The following OCEL1 variants were observed in gnomAD, a reference collection of about 807,000 sequenced individuals.
OCEL1 encodes occludin/ELL domain-containing protein 1.
In OCEL1, 24 loss-of-function variants were observed where a neutral mutation model predicts 29.4. The observed-to-expected ratio is 0.82, with a 90% CI of 0.59 to 1.15. OCEL1 has a LOEUF of 1.15. OCEL1 is among the 50% of genes most tolerant of loss of function. The pLI is 0.00. For missense variants in OCEL1, 402 were observed against 352.5 expected (o/e 1.14, Z -1.13); for synonymous variants, 172 against 145.3 (o/e 1.18, Z -1.32).
At chr19:17,226,628 G>A (rs2073362340) in intron 1 of OCEL1, 65 bp from the exon 2 acceptor site, 31 of 1,403,832 alleles carry the variant, frequency 2.2e-5, no homozygotes, top group Non-Finnish European at 2.9e-5. Flanking sequence ...CTTCGGCCGA[G>A]CTGCCCGCGC....
Position 17,226,721 on chromosome 19 carries a change from C to G in OCEL1, c.98C>G (p.Ala33Gly). The change falls in exon 2 of 6, where the codon GCG becomes GGG. Residue 33 changes from alanine to glycine, a missense_variant. Transcript: ENST00000215061. Reference sequence around the variant, plus strand: ...GCCCGCAGACCACCCCCGCCGCGCGCGGGACACGACGCCCCCCGCAGGACC... The same window carrying G: ...GCCCGCAGACCACCCCCGCCGCGCGGGGGACACGACGCCCCCCGCAGGACC... Reference protein sequence around the residue: ...QAARRPPPPRAGHDAPRRTRP... With the variant: ...QAARRPPPPRGGHDAPRRTRP... The G allele has an allele frequency of 6.6e-7, 1 of 1,521,472 alleles. No individual in the cohort carries two copies. Among genetic ancestry groups the G allele is most frequent in the Admixed American group, 2.2e-5 (1 of 46,282 alleles). The allele number at this position is 1,521,472 out of a possible 1,614,324, so 94.2% of individuals were successfully genotyped here. A position where few individuals can be genotyped will look rare whatever the true frequency, so the allele number is the denominator to read the frequency against.
rs1040466830 is a variant in OCEL1 at position 17,228,244 on chromosome 19, C to G, written c.619-12C>G. 1.1e-5 allele frequency: 18 copies of G among 1,614,012 alleles called. No individual in the cohort carries two copies. The highest frequency in any genetic ancestry group is 1.5e-5 in the Non-Finnish European group (18 of 1,179,966). On this transcript the variant is annotated splice_polypyrimidine_tract_variant and intron_variant, in intron 4 of 5. Transcript: ENST00000215061. ...CTCTCCCTAAACCCCCTTTCTACTC[C>G]TCCCCTTGCAGAAGGAGGCCCAAGT...
intron 5 of OCEL1, 84 bp downstream of exon 5, chr19:17,228,393 T>A: frequency 7.2e-7 from 1 of 1,397,518 alleles, no homozygotes; most frequent in Non-Finnish European, 9.9e-7. Flanking sequence ...TCTTTTTTTT[T>A]TCTTTCTTTT....
At chr19:17,226,522 C>CG in intron 1 of OCEL1, 171 bp from the exon 2 acceptor site, 1 of 901,336 alleles carries the variant, frequency 1.1e-6, no homozygotes, top group Non-Finnish European at 1.6e-6. Flanking sequence ...CAGTCGTGGG[C>CG]GGGGTCTGGA....
chr19:17,228,366 G>A, intron 5 of OCEL1, 57 bp downstream of exon 5: 1 of 1,545,004 alleles, frequency 6.5e-7, no homozygotes. Context: ...GTGAGGCTGG[G>A]GTGCCTGTGC....
chr19:17,228,110 C>G, intron 4 of OCEL1, 105 bp downstream of exon 4: 3 of 1,544,132 alleles, frequency 1.9e-6, no homozygotes, highest in Non-Finnish European at 2.6e-6. Flanking sequence ...TTTCTCCTCT[C>G]GGTTGGCTGG....
chr19:17,226,469 G>A (rs1262448579), intron 1 of OCEL1, 153 bp downstream of exon 1: 5 of 998,796 alleles, frequency 5.0e-6, no homozygotes, highest in Non-Finnish European at 4.3e-6. Flanking sequence ...CAGGCTGCGC[G>A]GCGACGTCAG....
chr19:17,228,123 G>A lies in OCEL1; in HGVS notation c.618+118G>A, dbSNP rs879063681. ...TCTTTCTCCTCTCGGTTGGCTGGGC[G>A]CCGTGACACATGGCTAAGGTCAGCC... is the stretch of plus-strand genomic sequence containing the variant. On this transcript the variant is annotated intron_variant, in intron 4 of 5. Coordinates refer to ENST00000215061, the MANE Select transcript of OCEL1 (RefSeq NM_024578.3). 16 of 1,522,758 alleles carry A rather than the reference G, an allele frequency of 1.1e-5. 1 individual carries two copies. Among genetic ancestry groups the A allele is most frequent in the Middle Eastern group, 2.0e-4 (1 of 4,898 alleles). 94.3% of individuals were successfully genotyped at this position (1,522,758 alleles called of 1,614,324 possible). A position where few individuals can be genotyped will look rare whatever the true frequency, so the allele number is the denominator to read the frequency against.
chr19:17,226,933 T>C, intron 2 of OCEL1, 61 bp from the exon 3 acceptor site: 1 of 1,526,258 alleles, frequency 6.6e-7, no homozygotes, highest in African/African-American at 1.4e-5. Context: ...GCCCCTCCAG[T>C]TTGAGGGACT....
At chr19:17,227,417 G>T (rs1286632733) in intron 3 of OCEL1, among the ~76,000 whole-genome samples, 1 of 152,080 alleles carries the variant, frequency 6.6e-6, no homozygotes, top group Non-Finnish European at 1.5e-5. Flanking sequence ...TAGGCGAGGC[G>T]CGGTGGCTCA....
chr19:17,227,167 G>A lies in OCEL1; in HGVS notation c.420G>A (p.Lys140=). The A allele has an allele frequency of 2.6e-6, 4 of 1,543,116 alleles. No individual in the cohort carries two copies. The highest frequency in any genetic ancestry group is 3.5e-6 in the Non-Finnish European group (4 of 1,150,428). ...KPIGAIPKGH[K]PRPHPVPDYE... is the part of the protein sequence containing the mutation. ...TTGGAGCCATCCCTAAGGGGCATAA[G>A]CCTAGGCCCCACCCAGTGCCCGACT... The change falls in exon 3 of 6, where the codon AAG becomes AAA. Residue 140 remains lysine (K), a synonymous_variant. Transcript: ENST00000215061.
chr19:17,226,902 G>T, intron 2 of OCEL1, 33 bp downstream of exon 2: 1 of 1,511,704 alleles, frequency 6.6e-7, no homozygotes, highest in Non-Finnish European at 8.8e-7. Flanking sequence ...CCCCAGGCCG[G>T]GCCTCTAGGC....
intron 1 of OCEL1, 137 bp downstream of exon 1, chr19:17,226,453 C>G (rs905834784): frequency 2.8e-6 from 3 of 1,083,288 alleles, no homozygotes; most frequent in African/African-American, 3.2e-5. Context: ...TAACTCGAGC[C>G]GGTCCCAGGC....
chr19:17,228,973 G>T lies in OCEL1; in HGVS notation c.*48G>T. The T allele has an allele frequency of 6.3e-7, 1 of 1,585,164 alleles. No homozygotes were observed. Among genetic ancestry groups the T allele is most frequent in the Non-Finnish European group, 8.6e-7 (1 of 1,164,960 alleles). ...GGATGCATGGGGATGCAGGTCCCTT[G>T]CATTTCTTGGTATCTCTCAGCTTTT... On this transcript the variant is annotated 3_prime_UTR_variant, in exon 6 of 6. Transcript: ENST00000215061.
At position 17,228,316 on chromosome 19, in the gene OCEL1, C is replaced by T. The variant is rs751416031; in HGVS notation, c.672+7C>T. ...GTTTGAGATGAAGCGAATGGTGAGT[C>T]TTGCATCCCACAGCTTGGTCTTGCA... is the stretch of plus-strand genomic sequence containing the variant. On this transcript the variant is annotated splice_region_variant and intron_variant, in intron 5 of 5. Transcript: ENST00000215061. 39 of 1,613,868 alleles carry T rather than the reference C, an allele frequency of 2.4e-5. No homozygotes were observed. The highest frequency in any genetic ancestry group is 3.2e-5 in the Non-Finnish European group (38 of 1,179,968).
chr19:17,228,922 C>A lies in OCEL1; in HGVS notation c.792C>A (p.Phe264Leu), dbSNP rs892875514. The change falls in exon 6 of 6, where the codon TTC becomes TTA. Residue 264 changes from phenylalanine to leucine, a missense_variant. Physicochemically the swap from Phe to Leu is conservative, Grantham distance 22. Coordinates refer to ENST00000215061, the MANE Select transcript of OCEL1 (RefSeq NM_024578.3). The stretch of plus-strand genomic sequence containing the variant: ...GAGACAGCGAGGGCTCCGTGTACTT[C>A]TAAGTGCCCCTGCAGATGGGCAGAG... ...DQGDSEGSVY[F>L] 6.2e-7 allele frequency: 1 copy of A among 1,612,232 alleles called. No homozygotes were observed. Among genetic ancestry groups the A allele is most frequent in the South Asian group, 1.1e-5 (1 of 91,054 alleles).
Position 17,226,654 on chromosome 19 carries a change from G to T in OCEL1, c.70-39G>T. 1.4e-6 allele frequency: 2 copies of T among 1,427,504 alleles called. No homozygotes were observed. Among genetic ancestry groups the T allele is most frequent in the Non-Finnish European group, 9.1e-7 (1 of 1,096,106 alleles). 88.4% of individuals were successfully genotyped at this position (1,427,504 alleles called of 1,614,324 possible). On this transcript the variant is annotated intron_variant, in intron 1 of 5. Coordinates refer to ENST00000215061, the MANE Select transcript of OCEL1 (RefSeq NM_024578.3). Reference sequence around the variant, plus strand: ...CTGCCCGCGCGTCCTTTCTCCGTGCGCGTCGTCAGGCGTGTCCTCTCCGCG... The same window carrying T: ...CTGCCCGCGCGTCCTTTCTCCGTGCTCGTCGTCAGGCGTGTCCTCTCCGCG...
Position 17,226,286 on chromosome 19 carries a change from T to C in OCEL1, c.39T>C (p.Asp13=), listed in dbSNP as rs2073358025. 3 of 1,612,384 alleles carry C rather than the reference T, an allele frequency of 1.9e-6. No homozygotes were observed. The highest frequency in any genetic ancestry group is 4.5e-5 in the East Asian group (2 of 44,786). Reference sequence around the variant, plus strand: ...ACGGAAGTGCCTCTCCGACAGCAGATCCAGGCTCGGAGCTCCAGACGCTGG... The same window carrying C: ...ACGGAAGTGCCTCTCCGACAGCAGACCCAGGCTCGGAGCTCCAGACGCTGG... ...NPDGSASPTA[D]PGSELQTLGQ... is the part of the protein sequence containing the mutation. Residue 13 remains aspartate (D), a synonymous_variant, in exon 1 of 6, where the codon GAT becomes GAC. Transcript: ENST00000215061.
chr19:17,226,387 CG>C, intron 1 of OCEL1, 71 bp downstream of exon 1: 1 of 1,551,036 alleles, frequency 6.4e-7, no homozygotes, highest in Non-Finnish European at 8.8e-7. Flanking sequence ...TCCTCGGGCG[CG>C]GTCGTCTGTG....
Sources: allele counts gnomAD v4.1 joint callset (sites outside exome capture counted in the v4.1 genomes callset), GRCh38; gene constraint gnomAD v4.1.1; transcripts MANE v1.5; gene names NCBI Gene and HGNC (gene_info 2026-07-23, HGNC 2026-07-21).